The following RBM20 variants were observed in gnomAD, a reference collection of about 807,000 sequenced individuals.
The protein encoded by RBM20 is RNA binding motif protein 20.
Under a neutral mutation model 110.1 loss-of-function variants are expected in RBM20, and 51 were observed. That is an observed-to-expected ratio of 0.46 (90% CI 0.37 to 0.59). The LOEUF is 0.59. Ranked by LOEUF, RBM20 falls within the 20% of genes least tolerant of loss-of-function variation. RBM20 has a pLI of 0.00. For synonymous variants in RBM20, 589 were observed against 618.2 expected (o/e 0.95, Z 0.70); for missense variants, 1,512 against 1,574.9 (o/e 0.96, Z 0.68).
At position 110,726,707 on chromosome 10, in the gene RBM20, A is replaced by G. The variant is rs139256016; in HGVS notation, c.192-54094A>G. 3.3e-5 allele frequency among the ~76,000 whole-genome samples: 5 copies of G among 151,592 alleles called. No homozygotes were observed. The South Asian group carries it at 6.2e-4, about 19-fold the overall frequency. ...TGCAGGTTCAAGGGTCTCCAAGACC[A>G]CATTCAGGTGTTAGAAAGTCCTACA... On this transcript the variant is annotated intron_variant, in intron 1 of 13. Transcript: ENST00000369519.
Position 110,838,439 on chromosome 10 carries a change from T to A in RBM20, c.*2461T>A, listed in dbSNP as rs1845161043. On this transcript the variant is annotated 3_prime_UTR_variant, in exon 14 of 14. Transcript: ENST00000369519. ...ACACCAGCTATGCCTCCTCCATTTCTCAGAAAACCTTTGATCTTGTGTGTC... is the reference window on the plus strand; with the variant it reads ...ACACCAGCTATGCCTCCTCCATTTCACAGAAAACCTTTGATCTTGTGTGTC... The A allele has an allele frequency of 6.6e-6, 1 of 152,196 alleles. No individual in the cohort carries two copies. The highest frequency in any genetic ancestry group is 1.5e-5 in the Non-Finnish European group (1 of 68,034). The allele number at this position is 152,196 out of a possible 1,614,324, so 9.4% of individuals were successfully genotyped here.
At chr10:110,777,358 A>G (rs1464501106) in intron 1 of RBM20, among the ~76,000 whole-genome samples, 1 of 152,214 alleles carries the variant, frequency 6.6e-6, no homozygotes, top group African/African-American at 2.4e-5. Context: ...TATGATCACT[A>G]CTATATGCAC....
intron 1 of RBM20, among the ~76,000 whole-genome samples, chr10:110,737,177 CAAAAAAAA>C (rs550138775): frequency 3.8e-5 from 1 of 26,620 alleles, no homozygotes; most frequent in East Asian, 9.4e-4. Flanking sequence ...AACTCTGCCT[CAAAAAAAA>C]AAAAAAAAAA....
chr10:110,767,452 C>G (rs1278814062), intron 1 of RBM20, among the ~76,000 whole-genome samples: 2 of 147,086 alleles, frequency 1.4e-5, no homozygotes, highest in African/African-American at 2.5e-5. Flanking sequence ...ACTTCCCAGA[C>G]GGGGTGGCTG....
chr10:110,835,835 C>A lies in RBM20; in HGVS notation c.3574-33C>A, dbSNP rs1466275448. On this transcript the variant is annotated intron_variant, in intron 13 of 13. Coordinates refer to ENST00000369519, the MANE Select transcript of RBM20 (RefSeq NM_001134363.3). ...CTCCATCTAGGTCCCTACTAACATG[C>A]CCCTTCCTCCACTTCCCCTCTTCTT... 1.0e-5 allele frequency: 16 copies of A among 1,548,596 alleles called. No homozygotes were observed. The East Asian group carries it at 3.7e-4, about 36-fold the overall frequency.
chr10:110,668,508 A>G (rs1437276817), intron 1 of RBM20, among the ~76,000 whole-genome samples: 1 of 152,038 alleles, frequency 6.6e-6, no homozygotes, highest in African/African-American at 2.4e-5. Context: ...TGAAGGGGAG[A>G]CACTGGATTA....
At chr10:110,651,478 GTACTT>G (rs1341667495) in intron 1 of RBM20, among the ~76,000 whole-genome samples, 1 of 152,134 alleles carries the variant, frequency 6.6e-6, no homozygotes, top group Non-Finnish European at 1.5e-5. Flanking sequence ...GTTAAAGTAA[GTACTT>G]TAACATTTAC....
intron 1 of RBM20, among the ~76,000 whole-genome samples, chr10:110,710,208 T>C (rs149103562): frequency 0.016 from 2,455 of 152,304 alleles, 62 homozygotes; most frequent in Non-Finnish European, 0.015. Flanking sequence ...ATGATCATAT[T>C]GGGCAGTTTC....
At chr10:110,823,697 T>C (rs1240175399) in intron 12 of RBM20, 83 bp downstream of exon 12, 2 of 1,436,110 alleles carry the variant, frequency 1.4e-6, no homozygotes, top group African/African-American at 2.9e-5. Context: ...TGAGAGAGCT[T>C]TTTGGCATTT....
At chr10:110,772,442 G>A (rs1662915664) in intron 1 of RBM20, among the ~76,000 whole-genome samples, 1 of 152,178 alleles carries the variant, frequency 6.6e-6, no homozygotes, top group South Asian at 2.1e-4. Flanking sequence ...ATAACAGATG[G>A]CATATACAAT....
chr10:110,683,731 A>T (rs1862456827), intron 1 of RBM20, among the ~76,000 whole-genome samples: 2 of 152,362 alleles, frequency 1.3e-5, no homozygotes, highest in African/African-American at 4.8e-5. Flanking sequence ...GACCTGTTTT[A>T]AAAAACAAAA....
intron 1 of RBM20, among the ~76,000 whole-genome samples, chr10:110,705,893 CA>C (rs1309300738): frequency 2.0e-5 from 3 of 151,962 alleles, no homozygotes; most frequent in African/African-American, 7.3e-5. Flanking sequence ...CCATCCTGGC[CA>C]ACATGGTGAA....
chr10:110,760,513 T>C (rs1843984459), intron 1 of RBM20, among the ~76,000 whole-genome samples: 1 of 129,678 alleles, frequency 7.7e-6, no homozygotes, highest in Non-Finnish European at 1.6e-5. Flanking sequence ...GGATCTCAGC[T>C]CACTGCAATC....
At chr10:110,779,580 A>T (rs1246081536) in intron 1 of RBM20, among the ~76,000 whole-genome samples, 1 of 152,236 alleles carries the variant, frequency 6.6e-6, no homozygotes, top group Non-Finnish European at 1.5e-5. Context: ...TGAGTAAAAC[A>T]ACCTGGGGCT....
chr10:110,702,481 G>A (rs1862773805), intron 1 of RBM20, among the ~76,000 whole-genome samples: 1 of 152,176 alleles, frequency 6.6e-6, no homozygotes, highest in Non-Finnish European at 1.5e-5. Context: ...GGCTGTAATG[G>A]GCTCGGATGG....
intron 7 of RBM20, among the ~76,000 whole-genome samples, chr10:110,806,486 A>G (rs192959440): frequency 6.6e-6 from 1 of 152,104 alleles, no homozygotes; most frequent in Non-Finnish European, 1.5e-5. Flanking sequence ...AAACAGCCAG[A>G]TCTCGTGAGA....
At chr10:110,672,480 C>T (rs1462106866) in intron 1 of RBM20, among the ~76,000 whole-genome samples, 1 of 152,252 alleles carries the variant, frequency 6.6e-6, no homozygotes, top group Non-Finnish European at 1.5e-5. Context: ...CTGCTGCCGT[C>T]CTCCCTCGCC....
At chr10:110,664,659 A>G (rs1862151561) in intron 1 of RBM20, among the ~76,000 whole-genome samples, 2 of 152,154 alleles carry the variant, frequency 1.3e-5, no homozygotes, top group African/African-American at 4.8e-5. Flanking sequence ...AGGCATGAGA[A>G]TCGCTTGAAC....
chr10:110,725,369 A>G (rs774546527), intron 1 of RBM20, among the ~76,000 whole-genome samples: 4 of 152,240 alleles, frequency 2.6e-5, no homozygotes, highest in African/African-American at 9.6e-5. Flanking sequence ...CTGTAGGTCA[A>G]TAACGCCTGT....
Sources: gnomAD v4.1 joint callset for allele counts (sites outside exome capture counted in the v4.1 genomes callset) on GRCh38, gnomAD v4.1.1 for gene constraint, MANE v1.5 for transcripts, NCBI Gene and HGNC (gene_info 2026-07-23, HGNC 2026-07-21) for gene names.